Variants in ZNF385B observed in about 807,000 individuals in gnomAD.
The protein encoded by ZNF385B is zinc finger protein 385B.
Under a neutral mutation model 39.2 loss-of-function variants are expected in ZNF385B, and 23 were observed. That is an observed-to-expected ratio of 0.59 (90% confidence interval 0.42 to 0.83). The LOEUF (loss-of-function observed/expected upper bound fraction) is 0.83, where lower values mean the gene tolerates loss of function less well. Ranked by LOEUF, ZNF385B falls within the 40% of genes least tolerant of loss-of-function variation. ZNF385B has a pLI of 0.00. For synonymous variants in ZNF385B, 205 were observed against 222.6 expected (o/e 0.92, Z 0.70); for missense variants, 552 against 598.9 (o/e 0.92, Z 0.82).
intron 3 of ZNF385B, among the ~76,000 whole-genome samples, chr2:179,639,894 T>C (rs1692112138): frequency 6.6e-6 from 1 of 152,160 alleles, no homozygotes; most frequent in African/African-American, 2.4e-5. Context: ...TATCTCAACA[T>C]TGCCAGTAAT....
chr2:179,484,206 A>G (rs2054316508), intron 5 of ZNF385B, among the ~76,000 whole-genome samples: 1 of 152,124 alleles, frequency 6.6e-6, no homozygotes, highest in African/African-American at 2.4e-5. Context: ...AAAACATTTA[A>G]TCAACTTACT....
intron 3 of ZNF385B, among the ~76,000 whole-genome samples, chr2:179,750,050 A>G (rs1240972454): frequency 6.6e-6 from 1 of 152,186 alleles, no homozygotes; most frequent in Non-Finnish European, 1.5e-5. Context: ...ACACACTTGT[A>G]TAATCCACAC....
chr2:179,478,080 C>A (rs2053615372), intron 6 of ZNF385B, among the ~76,000 whole-genome samples: 1 of 152,148 alleles, frequency 6.6e-6, no homozygotes, highest in Non-Finnish European at 1.5e-5. Flanking sequence ...AAGCGTGAAA[C>A]AAGAAACCCC....
intron 3 of ZNF385B, among the ~76,000 whole-genome samples, chr2:179,586,580 C>T (rs16866815): frequency 5.9e-5 from 9 of 152,198 alleles, no homozygotes; most frequent in South Asian, 2.1e-4. Flanking sequence ...GTGTTATATT[C>T]GGCTGCCACC....
chr2:179,488,504 C>T (rs1052520190), intron 5 of ZNF385B, among the ~76,000 whole-genome samples: 3 of 152,086 alleles, frequency 2.0e-5, no homozygotes, highest in African/African-American at 4.8e-5. Flanking sequence ...TGAATGAGGA[C>T]ATTAAACTGT....
chr2:179,769,386 T>G, intron 3 of ZNF385B, 117 bp downstream of exon 3: 1 of 1,452,702 alleles, frequency 6.9e-7, no homozygotes, highest in Non-Finnish European at 9.2e-7. Context: ...AAAGAGTACA[T>G]GTTATCATGG....
At chr2:179,495,448 G>T (rs1024401586) in intron 5 of ZNF385B, among the ~76,000 whole-genome samples, 6 of 152,220 alleles carry the variant, frequency 3.9e-5, no homozygotes, top group Admixed American at 2.6e-4. Flanking sequence ...CTAAAGGGAA[G>T]AAAACAGGCC....
intron 5 of ZNF385B, 86 bp from the exon 6 acceptor site, chr2:179,483,520 T>C: frequency 6.5e-7 from 1 of 1,545,014 alleles, no homozygotes; most frequent in East Asian, 2.3e-5. Context: ...ATACATTCTA[T>C]CATAGGCACC....
At chr2:179,474,053 C>T (rs1055929037) in intron 6 of ZNF385B, among the ~76,000 whole-genome samples, 3 of 151,672 alleles carry the variant, frequency 2.0e-5, no homozygotes, top group Non-Finnish European at 4.4e-5. Flanking sequence ...AAATGGCACT[C>T]GGGAATCATA....
chr2:179,525,009 C>G lies in ZNF385B; in HGVS notation c.442-6371G>C, dbSNP rs115661602. Among the ~76,000 whole-genome samples, 894 of 152,138 alleles carry G rather than the reference C, an allele frequency of 5.9e-3. 11 individuals carry two copies. The highest frequency in any genetic ancestry group is 0.02 in the African/African-American group (849 of 41,508). Reference sequence around the variant, plus strand: ...ACCTCCTGTAGTCTCCATCATCACTCGAGGCAGACATGATTATTATCCTCC... The same window carrying G: ...ACCTCCTGTAGTCTCCATCATCACTGGAGGCAGACATGATTATTATCCTCC... On this transcript the variant is annotated intron_variant, in intron 4 of 9. Coordinates refer to ENST00000410066, the MANE Select transcript of ZNF385B (RefSeq NM_152520.6).
Position 179,846,272 on chromosome 2 carries a change from T to G in ZNF385B, c.-155+14829A>C, listed in dbSNP as rs563450683. On this transcript the variant is annotated intron_variant, in intron 1 of 9. Transcript: ENST00000410066. Reference sequence around the variant, plus strand: ...AACAGTCTCAGCATCTGAAGTCATTTTAGAAACACAGGTACAAGATTTAAT... The same window carrying G: ...AACAGTCTCAGCATCTGAAGTCATTGTAGAAACACAGGTACAAGATTTAAT... Among the ~76,000 whole-genome samples the G allele has an allele frequency of 5.3e-5, 8 of 152,372 alleles. No individual in the cohort carries two copies. In the South Asian group the frequency reaches 1.7e-3, roughly 32 times the overall value.
intron 4 of ZNF385B, among the ~76,000 whole-genome samples, chr2:179,535,351 TA>T (rs970302274): frequency 2.1e-4 from 32 of 152,272 alleles, no homozygotes; most frequent in African/African-American, 7.7e-4. Flanking sequence ...ATTGGGTACT[TA>T]AAAAAATATT....
At chr2:179,516,044 C>G (rs1193058877) in intron 5 of ZNF385B, among the ~76,000 whole-genome samples, 1 of 152,144 alleles carries the variant, frequency 6.6e-6, no homozygotes, top group Admixed American at 6.5e-5. Flanking sequence ...TGTCTTACTT[C>G]TCTCACTTAG....
chr2:179,597,697 G>A (rs1688107585), intron 3 of ZNF385B, among the ~76,000 whole-genome samples: 1 of 152,080 alleles, frequency 6.6e-6, no homozygotes, highest in South Asian at 2.1e-4. Context: ...GCATTTTAAT[G>A]TGGCCTGGGA....
At chr2:179,680,275 G>A (rs1225447741) in intron 3 of ZNF385B, among the ~76,000 whole-genome samples, 1 of 152,042 alleles carries the variant, frequency 6.6e-6, no homozygotes, top group African/African-American at 2.4e-5. Context: ...ATTTGAAAAA[G>A]TATTTCTGAA....
At chr2:179,669,049 A>T (rs1014331649) in intron 3 of ZNF385B, among the ~76,000 whole-genome samples, 2 of 152,224 alleles carry the variant, frequency 1.3e-5, no homozygotes, top group African/African-American at 2.4e-5. Flanking sequence ...CAGAACTATG[A>T]AGAGAGCATA....
At chr2:179,563,452 C>T (rs1397304310) in intron 3 of ZNF385B, among the ~76,000 whole-genome samples, 6 of 152,162 alleles carry the variant, frequency 3.9e-5, no homozygotes, top group Admixed American at 2.0e-4. Flanking sequence ...GGCAACTTAG[C>T]ACATTTACTA....
intron 3 of ZNF385B, among the ~76,000 whole-genome samples, chr2:179,727,678 A>G (rs527789091): frequency 6.6e-6 from 1 of 152,228 alleles, no homozygotes; most frequent in South Asian, 2.1e-4. Context: ...TAAAAATGTA[A>G]CCAATGAATA....
At position 179,659,996 on chromosome 2, in the gene ZNF385B, T is replaced by C. The variant is rs1049011377; in HGVS notation, c.298+109507A>G. 2.0e-5 allele frequency: 3 copies of C among 152,606 alleles called. No homozygotes were observed. In the East Asian group the frequency reaches 5.8e-4, roughly 29 times the overall value. 9.5% of individuals were successfully genotyped at this position (152,606 alleles called of 1,614,324 possible). A position where few individuals can be genotyped will look rare whatever the true frequency, so the allele number is the denominator to read the frequency against. On this transcript the variant is annotated intron_variant, in intron 3 of 9. Coordinates refer to ENST00000410066, the MANE Select transcript of ZNF385B (RefSeq NM_152520.6). ...GCACTGTATGAAATCTGTATAACTC[T>C]GGAAAATTACAACAAAAGCCAAATA...
Sources: gnomAD v4.1 joint callset for allele counts (sites outside exome capture counted in the v4.1 genomes callset) on GRCh38, gnomAD v4.1.1 for gene constraint, MANE v1.5 for transcripts, NCBI Gene and HGNC (gene_info 2026-07-23, HGNC 2026-07-21) for gene names.